The following NLGN1 variants were observed in gnomAD, a reference collection of about 807,000 sequenced individuals.
The protein encoded by NLGN1 is neuroligin 1, also known as neuroligin-1.
A neutral mutation model predicts 65.5 loss-of-function variants in NLGN1; 12 were observed. That is an observed-to-expected ratio of 0.18 (90% CI 0.12 to 0.30). The LOEUF is 0.30. NLGN1 is among the 10% of genes least tolerant of loss of function. NLGN1 has a pLI of 1.00. For synonymous variants in NLGN1, 350 were observed against 359.5 expected (o/e 0.97, Z 0.30); for missense variants, 750 against 1,007.1 (o/e 0.74, Z 3.46).
intron 4 of NLGN1, among the ~76,000 whole-genome samples, chr3:174,198,453 A>G (rs568960481): frequency 4.6e-5 from 7 of 152,346 alleles, no homozygotes; most frequent in African/African-American, 1.7e-4. Flanking sequence ...TATTTACTTT[A>G]GATAAATTCC....
chr3:173,803,468 C>T (rs779769306), intron 3 of NLGN1, among the ~76,000 whole-genome samples: 4 of 151,912 alleles, frequency 2.6e-5, no homozygotes, highest in African/African-American at 7.3e-5. Flanking sequence ...ATGAGCCCAG[C>T]ATGGTGGCGA....
intron 4 of NLGN1, among the ~76,000 whole-genome samples, chr3:173,851,176 T>G (rs1726856511): frequency 6.6e-6 from 1 of 152,150 alleles, no homozygotes; most frequent in African/African-American, 2.4e-5. Flanking sequence ...TCCTCGAAGT[T>G]TGCACAAGCT....
At chr3:173,988,862 C>G (rs1331056517) in intron 4 of NLGN1, among the ~76,000 whole-genome samples, 3 of 152,100 alleles carry the variant, frequency 2.0e-5, no homozygotes, top group African/African-American at 7.2e-5. Flanking sequence ...AACACCTTAT[C>G]AACCTCCCTG....
chr3:174,009,672 G>A (rs1725137728), intron 4 of NLGN1, among the ~76,000 whole-genome samples: 1 of 152,094 alleles, frequency 6.6e-6, no homozygotes, highest in Non-Finnish European at 1.5e-5. Context: ...CTGATGAGTG[G>A]CGGTAGAATT....
chr3:173,650,492 G>A (rs926242922), intron 3 of NLGN1, among the ~76,000 whole-genome samples: 1 of 152,082 alleles, frequency 6.6e-6, no homozygotes, highest in Non-Finnish European at 1.5e-5. Flanking sequence ...CCTGACTCCC[G>A]CCTATGTATG....
intron 3 of NLGN1, among the ~76,000 whole-genome samples, chr3:173,713,113 A>C (rs1401301269): frequency 2.0e-5 from 3 of 152,166 alleles, no homozygotes; most frequent in Non-Finnish European, 4.4e-5. Flanking sequence ...TTCTGGGCAG[A>C]CATAAAAATA....
chr3:173,804,143 G>A (rs756761351), intron 3 of NLGN1, among the ~76,000 whole-genome samples: 25 of 151,732 alleles, frequency 1.6e-4, no homozygotes, highest in Non-Finnish European at 3.4e-4. Flanking sequence ...TTAAATCAAG[G>A]TGTTTACTCA....
At chr3:173,585,839 A>AT (rs1747344315) in intron 2 of NLGN1, among the ~76,000 whole-genome samples, 1 of 152,058 alleles carries the variant, frequency 6.6e-6, no homozygotes, top group African/African-American at 2.4e-5. Flanking sequence ...TGAATTCAGG[A>AT]ATTTTTTTCT....
intron 4 of NLGN1, among the ~76,000 whole-genome samples, chr3:174,090,680 C>G (rs1317421417): frequency 6.6e-6 from 1 of 151,752 alleles, no homozygotes; most frequent in East Asian, 1.9e-4. Flanking sequence ...AGATCAAAAC[C>G]CCAAGAGAAA....
downstream of NLGN1, among the ~76,000 whole-genome samples, chr3:174,286,889 G>A (rs1284978788): frequency 6.6e-6 from 1 of 151,244 alleles, no homozygotes; most frequent in Non-Finnish European, 1.5e-5. Context: ...AGGAAAGTGG[G>A]AGAAGGAAAA....
intron 3 of NLGN1, among the ~76,000 whole-genome samples, chr3:173,788,833 T>TAAAA (rs3979635): frequency 1.9e-5 from 1 of 53,486 alleles, no homozygotes; most frequent in East Asian, 4.4e-4. Flanking sequence ...AGACCTCATT[T>TAAAA]AAAAAAAAAA....
intron 4 of NLGN1, among the ~76,000 whole-genome samples, chr3:173,896,511 T>G (rs1341505204): frequency 1.3e-5 from 2 of 152,198 alleles, no homozygotes; most frequent in Non-Finnish European, 2.9e-5. Flanking sequence ...TTGGGTGAGT[T>G]CTTCATGCCC....
At chr3:173,842,224 T>C (rs1274240366) in intron 4 of NLGN1, among the ~76,000 whole-genome samples, 2 of 152,150 alleles carry the variant, frequency 1.3e-5, no homozygotes, top group African/African-American at 4.8e-5. Flanking sequence ...CATAATTCAA[T>C]CACCTCCCAC....
intron 2 of NLGN1, among the ~76,000 whole-genome samples, chr3:173,501,204 C>G (rs1363866751): frequency 1.3e-5 from 2 of 152,200 alleles, no homozygotes; most frequent in Admixed American, 1.3e-4. Context: ...AACCCATCAT[C>G]TAGGTATTAA....
At chr3:173,760,384 TTAAA>T (rs1288194701) in intron 3 of NLGN1, among the ~76,000 whole-genome samples, 1 of 151,858 alleles carries the variant, frequency 6.6e-6, no homozygotes, top group Non-Finnish European at 1.5e-5. Flanking sequence ...ATACTAATAA[TTAAA>T]TAAATATTAT....
chr3:173,670,496 A>G (rs145595445), intron 3 of NLGN1, among the ~76,000 whole-genome samples: 60 of 152,250 alleles, frequency 3.9e-4, no homozygotes, highest in African/African-American at 1.3e-3. Context: ...GAAGTGTGCC[A>G]TTTGCTAATT....
At chr3:173,788,834 A>G (rs1466546699) in intron 3 of NLGN1, among the ~76,000 whole-genome samples, 1 of 4,872 alleles carries the variant, frequency 2.1e-4, no homozygotes, top group Non-Finnish European at 8.7e-4. Context: ...GACCTCATTT[A>G]AAAAAAAAAA....
At chr3:174,108,993 A>C (rs1040321788) in intron 4 of NLGN1, among the ~76,000 whole-genome samples, 10 of 151,982 alleles carry the variant, frequency 6.6e-5, no homozygotes, top group African/African-American at 2.4e-4. Context: ...TATAAATGTG[A>C]ATATTAGGTA....
intron 4 of NLGN1, among the ~76,000 whole-genome samples, chr3:174,076,063 A>T (rs1316949336): frequency 6.6e-6 from 1 of 152,110 alleles, no homozygotes; most frequent in East Asian, 1.9e-4. Context: ...TTAAATTCTG[A>T]TTTTTATTAA....
Sources: allele counts gnomAD v4.1 joint callset (sites outside exome capture counted in the v4.1 genomes callset), GRCh38; gene constraint gnomAD v4.1.1; transcripts MANE v1.5; gene names NCBI Gene and HGNC (gene_info 2026-07-23, HGNC 2026-07-21).